The following ASMTL variants were observed in gnomAD, a reference collection of about 807,000 sequenced individuals.
ASMTL encodes the protein probable bifunctional dTTP/UTP pyrophosphatase/methyltransferase protein.
ASMTL carries 57 observed loss-of-function variants against 60.3 expected under a neutral mutation model. The ratio of observed to expected loss-of-function variants is 0.95; its 90% CI spans 0.76 to 1.18. The LOEUF (loss-of-function observed/expected upper bound fraction) is 1.18, where lower values mean the gene tolerates loss of function less well. ASMTL is among the 50% of genes most tolerant of loss of function. ASMTL has a pLI of 0.00. For missense variants in ASMTL, 981 were observed against 852.6 expected, an observed-to-expected ratio of 1.15 and a Z score of -1.88; for synonymous variants, 419 against 373.0, an observed-to-expected ratio of 1.12 and a Z score of -1.42.
At chrX:1,424,227 G>A (rs1285744255) in intron 8 of ASMTL, among the ~76,000 whole-genome samples, 2 of 65,290 alleles carry the variant, frequency 3.1e-5, no homozygotes, top group African/African-American at 1.2e-4. Flanking sequence ...CATCCACCCA[G>A]CCATGCACCC....
At chrX:1,447,903 GCACCGCCATCTTGGACA>G (rs1444337865) in intron 1 of ASMTL, among the ~76,000 whole-genome samples, 2 of 137,456 alleles carry the variant, frequency 1.5e-5, no homozygotes, top group Non-Finnish European at 3.1e-5. Flanking sequence ...TCTTGGACAA[GCACCGCCATCTTGGACA>G]CACCGCCATC....
chrX:1,418,425 AG>A (rs2090377537), intron 10 of ASMTL, among the ~76,000 whole-genome samples: 2 of 150,678 alleles, frequency 1.3e-5, no homozygotes, highest in Non-Finnish European at 2.9e-5. Context: ...GGCCACGTGT[AG>A]GGGGCACAGA....
intron 8 of ASMTL, among the ~76,000 whole-genome samples, chrX:1,422,906 G>A (rs1413904328): frequency 9.2e-5 from 14 of 151,968 alleles, no homozygotes; most frequent in South Asian, 4.2e-4. Context: ...GCATGGTGCC[G>A]GTGATGAAAA....
Position 1,435,140 on chromosome X carries a change from A to G in ASMTL, c.339-57T>C, listed in dbSNP as rs1162278133. ...ATGCTGTGACCCGTGGGAGCTACAA[A>G]GCGAGTTTCTCAAAACCAGGGGAGG... On this transcript the variant is annotated intron_variant, in intron 4 of 12. Transcript: ENST00000381317. 3.8e-6 allele frequency: 6 copies of G among 1,593,430 alleles called. No homozygotes were observed. In the African/African-American group the frequency reaches 5.4e-5, roughly 14 times the overall value.
intron 12 of ASMTL, among the ~76,000 whole-genome samples, chrX:1,405,637 GATGGATGC>G (rs1275563588): frequency 2.0e-5 from 3 of 151,752 alleles, no homozygotes; most frequent in Admixed American, 2.0e-4. Context: ...TGGATGGATA[GATGGATGC>G]ATGGATGAGA....
intron 10 of ASMTL, among the ~76,000 whole-genome samples, chrX:1,418,549 AAGG>A (rs1444292717): frequency 6.6e-6 from 1 of 152,070 alleles, no homozygotes; most frequent in Non-Finnish European, 1.5e-5. Context: ...TCTGGACCAC[AAGG>A]AGGAGAGGCA....
chrX:1,406,878 ATGGG>A (rs2089871502), intron 12 of ASMTL, among the ~76,000 whole-genome samples: 1 of 150,118 alleles, frequency 6.7e-6, no homozygotes, highest in African/African-American at 2.5e-5. Context: ...AGATGGATGG[ATGGG>A]TGAATAGATG....
Position 1,435,292 on chromosome X carries a change from C to A in ASMTL, c.339-209G>T, listed in dbSNP as rs1387855064. 4.6e-6 allele frequency: 3 copies of A among 650,340 alleles called. No homozygotes were observed. The African/African-American group carries it at 5.4e-5, about 12-fold the overall frequency. 40.3% of individuals were successfully genotyped at this position (650,340 alleles called of 1,614,324 possible). ...GGGTCACAAATCCCACCAGCAGTGG[C>A]CCTGACGGGAGGCGCCAGGCCAGGC... On this transcript the variant is annotated intron_variant, in intron 4 of 12. Transcript: ENST00000381317.
chrX:1,434,491 A>C (rs1208942425), intron 5 of ASMTL, among the ~76,000 whole-genome samples: 1 of 145,160 alleles, frequency 6.9e-6, no homozygotes, highest in Non-Finnish European at 1.5e-5. Flanking sequence ...CCCTGTCTCA[A>C]AAAAAAAAAA....
intron 2 of ASMTL, among the ~76,000 whole-genome samples, chrX:1,439,657 G>A: frequency 6.6e-6 from 1 of 152,104 alleles, no homozygotes; most frequent in African/African-American, 2.4e-5. Context: ...GACCAGCCTG[G>A]CCAACATGGT....
At chrX:1,423,918 A>G (rs767253516) in intron 8 of ASMTL, among the ~76,000 whole-genome samples, 4 of 149,550 alleles carry the variant, frequency 2.7e-5, no homozygotes, top group African/African-American at 9.9e-5. Context: ...TCACCCATCC[A>G]CTGATGGATC....
chrX:1,415,870 A>G (rs2090227839), intron 11 of ASMTL, among the ~76,000 whole-genome samples: 1 of 151,954 alleles, frequency 6.6e-6, no homozygotes, highest in South Asian at 2.1e-4. Flanking sequence ...ACACACACAT[A>G]TACCCATCCA....
At chrX:1,416,362 CAG>C (rs2090261878) in intron 11 of ASMTL, among the ~76,000 whole-genome samples, 3 of 128,098 alleles carry the variant, frequency 2.3e-5, no homozygotes, top group Admixed American at 8.3e-5. Context: ...CAGGCACACA[CAG>C]ACGCAGACAT....
chrX:1,421,716 C>G lies in ASMTL; in HGVS notation c.1187G>C (p.Arg396Pro), dbSNP rs780461596. The change falls in exon 9 of 13, where the codon CGA (arginine) becomes CCA (proline). Residue 396 changes from arginine to proline, a missense_variant. Arg to Pro is a moderately radical substitution (Grantham distance 103, BLOSUM62 -2). Transcript: ENST00000381317. Reference protein sequence around the residue: ...NLFTYLEFAIREGTNQHHRAL... With the variant: ...NLFTYLEFAIPEGTNQHHRAL... ...CCTGTGGTGCTGGTTTGTTCCCTCT[C>G]GGATGGCAAACTCCAGGTATGTAAA... 6.2e-7 allele frequency: 1 copy of G among 1,613,796 alleles called. No individual in the cohort carries two copies. The highest frequency in any genetic ancestry group is 1.3e-5 in the African/African-American group (1 of 74,894).
chrX:1,439,955 C>A (rs2091066916), intron 2 of ASMTL, among the ~76,000 whole-genome samples: 1 of 152,134 alleles, frequency 6.6e-6, no homozygotes, highest in Non-Finnish European at 1.5e-5. Context: ...CACAGGACAT[C>A]TGTGTGCAGC....
rs753250045 is a variant in ASMTL, at chrX:1,412,978, A to T, written c.1523-124T>A. The T allele has an allele frequency of 2.9e-4, 316 of 1,079,984 alleles. 2 individuals carry two copies. The African/African-American group carries it at 4.4e-3, about 15-fold the overall frequency. 66.9% of individuals were successfully genotyped at this position (1,079,984 alleles called of 1,614,324 possible). ...CAGAGAAGAGAGGGGTGTGGGCGGG[A>T]ATGGGTCTTCCTGAAGTACATCCCC... On this transcript the variant is annotated intron_variant, in intron 11 of 12. Transcript: ENST00000381317.
At position 1,438,979 on chromosome X, in the gene ASMTL, C is replaced by T. The variant is rs1361457532; in HGVS notation, c.273+118G>A. 3 of 1,149,680 alleles carry T rather than the reference C, an allele frequency of 2.6e-6. No homozygotes were observed. In the African/African-American group the frequency reaches 4.6e-5, roughly 18 times the overall value. 71.2% of individuals were successfully genotyped at this position (1,149,680 alleles called of 1,614,324 possible). On this transcript the variant is annotated intron_variant, in intron 3 of 12. Transcript: ENST00000381317. Reference sequence around the variant, plus strand: ...TGCTGGTAGTTTGTGATGGGAGTTTCTGGAAGCGAGTCCACTGCTGTCTTA... The same window carrying T: ...TGCTGGTAGTTTGTGATGGGAGTTTTTGGAAGCGAGTCCACTGCTGTCTTA...
intron 12 of ASMTL, among the ~76,000 whole-genome samples, chrX:1,412,340 G>A (rs1417198933): frequency 1.3e-5 from 2 of 152,054 alleles, no homozygotes; most frequent in Admixed American, 1.3e-4. Context: ...TGATTCTCCT[G>A]CCTCAGCCTC....
Position 1,430,994 on chromosome X carries a change from T to A in ASMTL, c.509+1275A>T, listed in dbSNP as rs761533208. On this transcript the variant is annotated intron_variant, in intron 6 of 12. Coordinates refer to ENST00000381317, the MANE Select transcript of ASMTL (RefSeq NM_004192.4). ...ATATAATTTACATATAATCACACTT[T>A]ATATTATTATGTAATATGTATTAAT... Among the ~76,000 whole-genome samples, 325 of 135,064 alleles carry A rather than the reference T, an allele frequency of 2.4e-3. 3 individuals carry two copies. Among genetic ancestry groups the A allele is most frequent in the African/African-American group, 8.6e-3 (302 of 35,120 alleles). The allele number at this position is 135,064 out of a possible 152,430, so 88.6% of individuals were successfully genotyped here. A position where few individuals can be genotyped will look rare whatever the true frequency, so the allele number is the denominator to read the frequency against.
Sources: allele counts gnomAD v4.1 joint callset (sites outside exome capture counted in the v4.1 genomes callset), GRCh38; gene constraint gnomAD v4.1.1; transcripts MANE v1.5; gene names NCBI Gene and HGNC (gene_info 2026-07-23, HGNC 2026-07-21).